Variants in SHANK2 observed in about 807,000 individuals in gnomAD.
SHANK2 encodes the protein SH3 and multiple ankyrin repeat domains 2, also known as SH3 and multiple ankyrin repeat domains protein 2.
Under a neutral mutation model 133.7 loss-of-function variants are expected in SHANK2, and 43 were observed. That is an observed-to-expected ratio of 0.32 (90% CI 0.25 to 0.41). SHANK2 has a LOEUF of 0.41. Ranked by LOEUF, SHANK2 falls within the 10% of genes least tolerant of loss-of-function variation. SHANK2 has a pLI of 1.00. For synonymous variants in SHANK2, 1,017 were observed against 952.8 expected, an observed-to-expected ratio of 1.07 and a Z score of -1.24; for missense variants, 1,994 against 2,235.8, an observed-to-expected ratio of 0.89 and a Z score of 2.18.
intron 15 of SHANK2, among the ~76,000 whole-genome samples, chr11:70,689,227 G>C (rs1319790867): frequency 6.6e-6 from 1 of 152,176 alleles, no homozygotes; most frequent in Admixed American, 6.5e-5. Flanking sequence ...AACTTACATA[G>C]ACAGGTTGGA....
At chr11:70,595,661 G>A (rs138557104) in intron 17 of SHANK2, among the ~76,000 whole-genome samples, 24 of 152,272 alleles carry the variant, frequency 1.6e-4, no homozygotes, top group South Asian at 4.1e-4. Context: ...CCCAAAATTC[G>A]TGTCTACCCA....
chr11:71,173,225 A>G (rs1435372152), intron 2 of SHANK2, among the ~76,000 whole-genome samples: 1 of 152,198 alleles, frequency 6.6e-6, no homozygotes, highest in Non-Finnish European at 1.5e-5. Context: ...AATCTGTCTC[A>G]CCCCTCATGG....
At chr11:70,844,316 C>A (rs1371546185) in intron 11 of SHANK2, among the ~76,000 whole-genome samples, 1 of 152,156 alleles carries the variant, frequency 6.6e-6, no homozygotes, top group Non-Finnish European at 1.5e-5. Context: ...TCAGTTTCTA[C>A]CTGAAATTGC....
At chr11:70,576,685 T>C (rs1370643623) in intron 17 of SHANK2, among the ~76,000 whole-genome samples, 1 of 152,178 alleles carries the variant, frequency 6.6e-6, no homozygotes. Context: ...GGCCTAACTC[T>C]GCCCTTACCA....
intron 17 of SHANK2, among the ~76,000 whole-genome samples, chr11:70,606,516 A>G (rs2060580036): frequency 6.7e-6 from 1 of 149,206 alleles, no homozygotes; most frequent in Admixed American, 6.6e-5. Context: ...CTCAAAAAAA[A>G]AAAAAAAAAA....
chr11:70,631,195 C>A (rs1591673535), intron 17 of SHANK2: 2 of 152,416 alleles, frequency 1.3e-5, no homozygotes, highest in Middle Eastern at 3.4e-3. Context: ...ATCCAGGAGG[C>A]CTTAGGAACA....
At chr11:70,522,116 C>G (rs72946442) in intron 17 of SHANK2, among the ~76,000 whole-genome samples, 1 of 152,194 alleles carries the variant, frequency 6.6e-6, no homozygotes, top group Non-Finnish European at 1.5e-5. Flanking sequence ...CTTGCAGTTC[C>G]GCCACGTGAT....
intron 14 of SHANK2, among the ~76,000 whole-genome samples, chr11:70,772,744 A>G (rs1555043147): frequency 2.6e-5 from 4 of 152,110 alleles, no homozygotes; most frequent in Non-Finnish European, 1.5e-5. Context: ...ACTGCTTTAC[A>G]CCACCTGTAT....
intron 14 of SHANK2, among the ~76,000 whole-genome samples, chr11:70,792,865 C>T (rs1947824543): frequency 6.6e-6 from 1 of 152,166 alleles, no homozygotes; most frequent in South Asian, 2.1e-4. Flanking sequence ...GCAGGAGGGT[C>T]ACTTGTGCCT....
chr11:70,947,241 C>T (rs1950761427), intron 10 of SHANK2, among the ~76,000 whole-genome samples: 4 of 151,526 alleles, frequency 2.6e-5, no homozygotes, highest in Admixed American at 2.6e-4. Flanking sequence ...ATGTAAGGAA[C>T]AAGGCCAGCA....
chr11:71,228,925 A>G (rs1954689057), intron 1 of SHANK2, among the ~76,000 whole-genome samples: 1 of 152,224 alleles, frequency 6.6e-6, no homozygotes, highest in African/African-American at 2.4e-5. Context: ...TATTCTAGGG[A>G]TGCCAGGCTG....
intron 11 of SHANK2, among the ~76,000 whole-genome samples, chr11:70,849,704 T>TA (rs367550381): frequency 5.9e-5 from 9 of 151,980 alleles, no homozygotes; most frequent in East Asian, 1.9e-4. Flanking sequence ...GAAACCACAG[T>TA]AAAAAAAATA....
At chr11:70,945,808 G>A (rs892867183) in intron 10 of SHANK2, among the ~76,000 whole-genome samples, 2 of 152,150 alleles carry the variant, frequency 1.3e-5, no homozygotes, top group Admixed American at 1.3e-4. Flanking sequence ...GGAAGAGCTC[G>A]AGGGCTCACC....
chr11:71,086,375 C>T (rs1388752080), intron 8 of SHANK2, among the ~76,000 whole-genome samples: 3 of 123,620 alleles, frequency 2.4e-5, no homozygotes, highest in African/African-American at 3.2e-5. Flanking sequence ...ATATGATATA[C>T]ATTTATAATA....
chr11:70,759,093 G>GGTT (rs1946933770), intron 14 of SHANK2, among the ~76,000 whole-genome samples: 1 of 152,042 alleles, frequency 6.6e-6, no homozygotes, highest in African/African-American at 2.4e-5. Flanking sequence ...GGGAGGCAGA[G>GGTT]GTTGCAGTGA....
In SHANK2 at chr11:70,882,654, G is replaced by A. The variant is rs1278758489; in HGVS notation, c.1174+13847C>T. Among the ~76,000 whole-genome samples the A allele has an allele frequency of 1.3e-5, 2 of 152,178 alleles. No homozygotes were observed. The highest frequency in any genetic ancestry group is 1.3e-4 in the Admixed American group (2 of 15,282). ...AAAACTTGCTTGCAAAATCAGCCAG[G>A]AGCACAGGGGTGAGGGGTGGCGGTG... is the stretch of plus-strand genomic sequence containing the variant. On this transcript the variant is annotated intron_variant, in intron 11 of 25. Coordinates refer to ENST00000601538, the MANE Select transcript of SHANK2 (RefSeq NM_012309.5). The surrounding 1 kb of genome is among the most constrained non-coding windows in gnomAD (Gnocchi z 4.2).
chr11:70,862,843 C>G (rs192680496), intron 11 of SHANK2: 1 of 275,220 alleles, frequency 3.6e-6, no homozygotes, highest in African/African-American at 2.3e-5. Context: ...CAGCAGGACA[C>G]AGTCTAGAGT....
intron 2 of SHANK2, among the ~76,000 whole-genome samples, chr11:71,154,369 T>G (rs774778684): frequency 1.3e-5 from 2 of 152,244 alleles, no homozygotes; most frequent in East Asian, 3.9e-4. Context: ...TGAGAGCAAG[T>G]GCGAGGGTGT....
intron 6 of SHANK2, among the ~76,000 whole-genome samples, chr11:71,101,357 T>C (rs1168235953): frequency 2.0e-5 from 3 of 152,168 alleles, no homozygotes; most frequent in Admixed American, 1.3e-4. Flanking sequence ...TTTCAGAACA[T>C]GGCAGTGTGT....
Sources: allele counts gnomAD v4.1 joint callset (sites outside exome capture counted in the v4.1 genomes callset), GRCh38; gene constraint gnomAD v4.1.1; non-coding constraint Gnocchi (gnomAD v3.1); transcripts MANE v1.5; gene names NCBI Gene and HGNC (gene_info 2026-07-23, HGNC 2026-07-21).